The following ADAMTSL1 variants were observed in gnomAD, a reference collection of about 807,000 sequenced individuals.
The protein encoded by ADAMTSL1 is ADAMTS-like protein 1.
Under a neutral mutation model 201.8 loss-of-function variants are expected in ADAMTSL1, and 126 were observed. The ratio of observed to expected loss-of-function variants is 0.62; its 90% CI spans 0.54 to 0.72. The LOEUF (loss-of-function observed/expected upper bound fraction) is 0.72. ADAMTSL1 is among the 30% of genes least tolerant of loss of function. The probability of loss-of-function intolerance (pLI) is 0.00; values close to 1 mark genes in which losing one functional copy is unlikely to be tolerated. For synonymous variants in ADAMTSL1, 1,121 were observed against 903.4 expected (o/e 1.24, Z -4.32); for missense variants, 2,679 against 2,277.8 (o/e 1.18, Z -3.59).
intron 15 of ADAMTSL1, among the ~76,000 whole-genome samples, chr9:18,737,243 C>A (rs557041578): frequency 7.3e-6 from 1 of 136,860 alleles, no homozygotes; most frequent in Non-Finnish European, 1.5e-5. Context: ...CACTTGAACC[C>A]GGGAGGTGGA....
chr9:18,855,938 A>C (rs1330055909), intron 23 of ADAMTSL1, among the ~76,000 whole-genome samples: 2 of 152,364 alleles, frequency 1.3e-5, no homozygotes, highest in Non-Finnish European at 2.9e-5. Flanking sequence ...ATTTAGGCAC[A>C]GAAGAAAATG....
intron 2 of ADAMTSL1, 133 bp downstream of exon 2, chr9:18,505,089 G>C: frequency 8.5e-7 from 1 of 1,177,540 alleles, no homozygotes. Flanking sequence ...TTAAAGGAAC[G>C]TACAAATAAT....
chr9:17,949,225 G>C (rs1827635607), intron 1 of ADAMTSL1, among the ~76,000 whole-genome samples: 2 of 152,140 alleles, frequency 1.3e-5, no homozygotes, highest in South Asian at 2.1e-4. Context: ...TTTGCAGACA[G>C]GGCATCATGG....
chr9:18,215,596 T>C (rs1830029330), intron 2 of ADAMTSL1, among the ~76,000 whole-genome samples: 1 of 152,226 alleles, frequency 6.6e-6, no homozygotes, highest in Admixed American at 6.5e-5. Flanking sequence ...TTTTCAATTT[T>C]GTTGTCATAG....
At chr9:18,594,923 G>C (rs529185857) in intron 4 of ADAMTSL1, among the ~76,000 whole-genome samples, 5 of 152,212 alleles carry the variant, frequency 3.3e-5, no homozygotes, top group African/African-American at 1.2e-4. Flanking sequence ...TTCTTCAAAG[G>C]GTGGTTTTCT....
intron 2 of ADAMTSL1, among the ~76,000 whole-genome samples, chr9:18,522,318 A>G (rs1818747786): frequency 6.6e-6 from 1 of 152,216 alleles, no homozygotes; most frequent in African/African-American, 2.4e-5. Context: ...TAAAATAATA[A>G]TAACAATGTA....
chr9:18,317,393 A>AACACACACAC (rs57642851), intron 2 of ADAMTSL1, among the ~76,000 whole-genome samples: 35 of 149,144 alleles, frequency 2.3e-4, no homozygotes, highest in African/African-American at 8.3e-4. Context: ...AAGTGTCCTC[A>AACACACACAC]ACACACACAC....
intron 1 of ADAMTSL1, among the ~76,000 whole-genome samples, chr9:17,923,271 G>C (rs997384903): frequency 2.0e-5 from 3 of 150,036 alleles, no homozygotes; most frequent in Non-Finnish European, 4.4e-5. Context: ...TCCTACCCAT[G>C]AGCATGGAAT....
chr9:17,908,673 G>C (rs553891158), intron 1 of ADAMTSL1, among the ~76,000 whole-genome samples: 1 of 152,142 alleles, frequency 6.6e-6, no homozygotes, highest in African/African-American at 2.4e-5. Flanking sequence ...GGCCAGGCTA[G>C]TCTCAAACTC....
intron 20 of ADAMTSL1, among the ~76,000 whole-genome samples, chr9:18,803,113 C>T (rs910206736): frequency 6.6e-6 from 1 of 152,156 alleles, no homozygotes; most frequent in East Asian, 1.9e-4. Flanking sequence ...AATACAAATA[C>T]CTTACAGTTC....
chr9:17,942,036 G>A (rs116597887), intron 1 of ADAMTSL1, among the ~76,000 whole-genome samples: 1,871 of 152,176 alleles, frequency 0.012, 47 homozygotes, highest in African/African-American at 0.043. Flanking sequence ...GGACACAAGC[G>A]TTCATTATAT....
At chr9:18,117,040 A>T (rs1461757579) in intron 1 of ADAMTSL1, among the ~76,000 whole-genome samples, 2 of 152,142 alleles carry the variant, frequency 1.3e-5, no homozygotes. Context: ...CATACACCTC[A>T]TCCAGTTCAG....
At chr9:18,610,128 G>T (rs10963665) in intron 4 of ADAMTSL1, among the ~76,000 whole-genome samples, 2 of 152,036 alleles carry the variant, frequency 1.3e-5, no homozygotes, top group Non-Finnish European at 2.9e-5. Context: ...CTATGGTCTC[G>T]CTGGTCTTAA....
At chr9:18,525,214 C>G (rs1386842581) in intron 2 of ADAMTSL1, among the ~76,000 whole-genome samples, 3 of 152,186 alleles carry the variant, frequency 2.0e-5, no homozygotes, top group Non-Finnish European at 4.4e-5. Context: ...TCTAGATTTT[C>G]TACTTTATTT....
At position 18,905,685 on chromosome 9, in the gene ADAMTSL1, C is replaced by T. The variant is rs532603410; in HGVS notation, c.4852-97C>T. 9 of 876,352 alleles carry T rather than the reference C, an allele frequency of 1.0e-5. No individual in the cohort carries two copies. In the African/African-American group the frequency reaches 1.2e-4, roughly 11 times the overall value. 54.3% of individuals were successfully genotyped at this position (876,352 alleles called of 1,614,324 possible). ...AATGGTCTGAGAGCCTCCAACAAGA[C>T]CTACACAAGGATCGTGCATGCCATG... On this transcript the variant is annotated intron_variant, in intron 26 of 28. Transcript: ENST00000380548.
chr9:18,828,051 A>C (rs971526501), intron 22 of ADAMTSL1, among the ~76,000 whole-genome samples: 3 of 152,228 alleles, frequency 2.0e-5, no homozygotes, highest in African/African-American at 7.2e-5. Flanking sequence ...CTTAACCTGT[A>C]CTATGAGGAC....
chr9:17,935,824 T>G (rs1468405187), intron 1 of ADAMTSL1, among the ~76,000 whole-genome samples: 1 of 152,210 alleles, frequency 6.6e-6, no homozygotes, highest in Non-Finnish European at 1.5e-5. Flanking sequence ...TTTATCTACC[T>G]TCAGTCTCGT....
At chr9:18,902,087 C>A (rs1830046751) in intron 26 of ADAMTSL1, among the ~76,000 whole-genome samples, 1 of 152,148 alleles carries the variant, frequency 6.6e-6, no homozygotes, top group South Asian at 2.1e-4. Flanking sequence ...AACATGCATG[C>A]ACCAAACATC....
chr9:17,975,781 C>T (rs778933823), intron 1 of ADAMTSL1, among the ~76,000 whole-genome samples: 1 of 151,946 alleles, frequency 6.6e-6, no homozygotes, highest in Admixed American at 6.6e-5. Flanking sequence ...GGTATTGTTA[C>T]AAAAAATCAT....
Sources: gnomAD v4.1 joint callset for allele counts (sites outside exome capture counted in the v4.1 genomes callset) on GRCh38, gnomAD v4.1.1 for gene constraint, MANE v1.5 for transcripts, NCBI Gene and HGNC (gene_info 2026-07-23, HGNC 2026-07-21) for gene names.